CPED1: variants seen among roughly 807,000 people sequenced by gnomAD.
CPED1 encodes cadherin like and PC-esterase domain containing 1, also known as cadherin-like and PC-esterase domain-containing protein 1.
In CPED1, 114 loss-of-function variants were observed where a neutral mutation model predicts 128.2. The ratio of observed to expected loss-of-function variants is 0.89; its 90% CI spans 0.76 to 1.04. The LOEUF (loss-of-function observed/expected upper bound fraction) is 1.04. CPED1 is among the 50% of genes least tolerant of loss of function. The probability of loss-of-function intolerance (pLI) is 0.00; values close to 1 mark genes in which losing one functional copy is unlikely to be tolerated. For missense variants in CPED1, 1,211 were observed against 1,207.1 expected (o/e 1.00, Z -0.05); for synonymous variants, 462 against 426.7 (o/e 1.08, Z -1.02).
chr7:121,028,730 A>T (rs566096681), intron 3 of CPED1, among the ~76,000 whole-genome samples: 5 of 152,314 alleles, frequency 3.3e-5, no homozygotes, highest in African/African-American at 1.2e-4. Context: ...CCATGTCTAA[A>T]TTGCTTAATT....
chr7:121,002,768 G>C (rs1791896390), intron 2 of CPED1, among the ~76,000 whole-genome samples: 1 of 152,140 alleles, frequency 6.6e-6, no homozygotes, highest in South Asian at 2.1e-4. Flanking sequence ...TATTCTGTCA[G>C]ACATATAAAC....
At chr7:121,192,685 G>A (rs553960701) in intron 16 of CPED1, among the ~76,000 whole-genome samples, 4 of 152,164 alleles carry the variant, frequency 2.6e-5, no homozygotes, top group Admixed American at 6.5e-5. Flanking sequence ...TAGAAGTCAA[G>A]AGAATACACA....
At chr7:121,138,964 A>T (rs1002920518) in intron 14 of CPED1, among the ~76,000 whole-genome samples, 2 of 151,842 alleles carry the variant, frequency 1.3e-5, no homozygotes, top group African/African-American at 2.4e-5. Context: ...TGGAGAAAAA[A>T]CTTTGATGAA....
chr7:121,160,455 C>A (rs1796387681), intron 16 of CPED1, among the ~76,000 whole-genome samples: 1 of 152,270 alleles, frequency 6.6e-6, no homozygotes, highest in African/African-American at 2.4e-5. Context: ...GTCCCCCCAA[C>A]CTGCTCCCAG....
chr7:121,285,272 G>A (rs1792542121), intron 22 of CPED1, among the ~76,000 whole-genome samples: 3 of 152,094 alleles, frequency 2.0e-5, no homozygotes, highest in South Asian at 4.1e-4. Context: ...CTTAGGCCTG[G>A]CCCACTAAAT....
At chr7:121,184,563 G>T (rs2116507934) in intron 16 of CPED1, among the ~76,000 whole-genome samples, 1 of 152,166 alleles carries the variant, frequency 6.6e-6, no homozygotes, top group African/African-American at 2.4e-5. Flanking sequence ...CAGAAAACTA[G>T]TGAGTGAGTT....
intron 4 of CPED1, chr7:121,062,888 C>T (rs959375990): frequency 6.6e-6 from 1 of 152,210 alleles, no homozygotes; most frequent in East Asian, 1.9e-4. Flanking sequence ...CTGCCTGCCA[C>T]CATGTAAGGT....
chr7:121,023,096 ACT>A (rs1441749111), intron 3 of CPED1, among the ~76,000 whole-genome samples: 3 of 151,820 alleles, frequency 2.0e-5, no homozygotes, highest in Admixed American at 2.0e-4. Flanking sequence ...AGTTCAAAAG[ACT>A]CTGACACAGA....
chr7:121,259,673 G>T (rs1463442851), intron 18 of CPED1, among the ~76,000 whole-genome samples: 1 of 151,944 alleles, frequency 6.6e-6, no homozygotes, highest in Non-Finnish European at 1.5e-5. Context: ...TTAGAAATAT[G>T]ACAATCAAAT....
chr7:121,051,239 G>T, intron 4 of CPED1: 1 of 475,712 alleles, frequency 2.1e-6, no homozygotes, highest in South Asian at 1.7e-5. Context: ...AGCAGTCCCT[G>T]ACTCCCCTCT....
intron 2 of CPED1, among the ~76,000 whole-genome samples, chr7:121,015,227 G>A (rs73431854): frequency 0.021 from 3,183 of 152,180 alleles, 61 homozygotes; most frequent in African/African-American, 0.053. Flanking sequence ...ACCCCTTCCT[G>A]ACCATGTCCT....
At chr7:121,205,906 T>C (rs576808991) in intron 16 of CPED1, among the ~76,000 whole-genome samples, 3 of 152,202 alleles carry the variant, frequency 2.0e-5, no homozygotes, top group Admixed American at 1.3e-4. Flanking sequence ...TGATAAAAGC[T>C]GATTTTGTTC....
chr7:121,107,450 A>G (rs1366769571), intron 7 of CPED1, among the ~76,000 whole-genome samples: 1 of 152,150 alleles, frequency 6.6e-6, no homozygotes, highest in Non-Finnish European at 1.5e-5. Context: ...TTTATGTAGG[A>G]AACAAATCTT....
At chr7:121,021,962 G>A (rs1044570138) in intron 3 of CPED1, among the ~76,000 whole-genome samples, 10 of 151,700 alleles carry the variant, frequency 6.6e-5, no homozygotes, top group Admixed American at 2.6e-4. Context: ...TAGCCTTCTC[G>A]ACTTATATGT....
At chr7:121,113,374 CAG>C (rs1171709171) in intron 7 of CPED1, among the ~76,000 whole-genome samples, 2 of 152,222 alleles carry the variant, frequency 1.3e-5, no homozygotes, top group African/African-American at 4.8e-5. Flanking sequence ...AGGCATGACT[CAG>C]AGTTGCAGAG....
chr7:121,176,783 AC>A (rs1464074452), intron 16 of CPED1, among the ~76,000 whole-genome samples: 6 of 152,126 alleles, frequency 3.9e-5, no homozygotes, highest in Non-Finnish European at 8.8e-5. Context: ...CGCTAATATA[AC>A]TTGTTGTATG....
At chr7:121,042,897 AT>A (rs1655433858) in intron 3 of CPED1, among the ~76,000 whole-genome samples, 1 of 152,182 alleles carries the variant, frequency 6.6e-6, no homozygotes, top group Non-Finnish European at 1.5e-5. Flanking sequence ...GCTAAATCAT[AT>A]AGAGTTGTCC....
chr7:121,113,458 A>G (rs754884330), intron 7 of CPED1, among the ~76,000 whole-genome samples: 6 of 152,244 alleles, frequency 3.9e-5, no homozygotes, highest in Non-Finnish European at 5.9e-5. Context: ...ATGGTATTTT[A>G]GCTGGGCTTG....
rs576151112 is a variant in CPED1 at position 121,033,036 on chromosome 7, G to T, written c.434-13851G>T. 2.0e-5 allele frequency among the ~76,000 whole-genome samples: 3 copies of T among 152,286 alleles called. No individual in the cohort carries two copies. The South Asian group carries it at 6.2e-4, about 32-fold the overall frequency. On this transcript the variant is annotated intron_variant, in intron 3 of 22. Coordinates refer to ENST00000310396, the MANE Select transcript of CPED1 (RefSeq NM_024913.5). Reference sequence around the variant, plus strand: ...CTTGTTGTTATTTACTCATGAAAATGTACCTTCCTCCATCATATTTCAGGG... The same window carrying T: ...CTTGTTGTTATTTACTCATGAAAATTTACCTTCCTCCATCATATTTCAGGG...
Sources: gnomAD v4.1 joint callset for allele counts (sites outside exome capture counted in the v4.1 genomes callset) on GRCh38, gnomAD v4.1.1 for gene constraint, MANE v1.5 for transcripts, NCBI Gene and HGNC (gene_info 2026-07-23, HGNC 2026-07-21) for gene names.